The following TENM2 variants were observed in gnomAD, a reference collection of about 807,000 sequenced individuals.
TENM2 encodes teneurin transmembrane protein 2, also known as teneurin-2.
A neutral mutation model predicts 245.2 loss-of-function variants in TENM2; 52 were observed. The observed-to-expected ratio is 0.21, with a 90% CI of 0.17 to 0.27. The LOEUF (loss-of-function observed/expected upper bound fraction) is 0.27, where lower values mean the gene tolerates loss of function less well. Among genes scored for constraint, TENM2 ranks in the 10% least tolerant of loss-of-function variants. TENM2 has a pLI of 1.00. For missense variants in TENM2, 3,046 were observed against 3,666.8 expected, an observed-to-expected ratio of 0.83 and a Z score of 4.37; for synonymous variants, 1,363 against 1,438.9, an observed-to-expected ratio of 0.95 and a Z score of 1.19.
the TENM2 span, among the ~76,000 whole-genome samples, chr5:167,162,625 T>TAA: frequency 8.3e-6 from 1 of 120,036 alleles, no homozygotes; most frequent in Non-Finnish European, 1.8e-5. Flanking sequence ...AGACTGTATC[T>TAA]AAAAAAAAAA....
At chr5:167,289,066 A>G (rs532913987) in intron 1 of TENM2, among the ~76,000 whole-genome samples, 5 of 152,228 alleles carry the variant, frequency 3.3e-5, no homozygotes, top group African/African-American at 7.2e-5. Context: ...ATTCACCTCC[A>G]TCTCACAATC....
chr5:167,414,395 A>G (rs1763061657), intron 2 of TENM2, among the ~76,000 whole-genome samples: 1 of 152,126 alleles, frequency 6.6e-6, no homozygotes, highest in African/African-American at 2.4e-5. Context: ...TAAAAAATTG[A>G]TTGGAATGAG....
intron 2 of TENM2, among the ~76,000 whole-genome samples, chr5:167,817,212 G>A (rs1011940114): frequency 6.6e-6 from 1 of 152,180 alleles, no homozygotes; most frequent in African/African-American, 2.4e-5. Flanking sequence ...GATATAGTGT[G>A]CTGATATTTC....
chr5:167,125,128 T>C, the TENM2 span, among the ~76,000 whole-genome samples: 1 of 152,168 alleles, frequency 6.6e-6, no homozygotes, highest in African/African-American at 2.4e-5. Context: ...ACAAGCCCCT[T>C]GAATGATTCT....
the TENM2 span, among the ~76,000 whole-genome samples, chr5:167,130,512 A>G: frequency 6.6e-6 from 1 of 152,212 alleles, no homozygotes; most frequent in Non-Finnish European, 1.5e-5. Flanking sequence ...AACGTCCCAC[A>G]TGAAACTGAA....
At chr5:167,648,541 G>A (rs1045139197) in intron 2 of TENM2, among the ~76,000 whole-genome samples, 3 of 152,118 alleles carry the variant, frequency 2.0e-5, no homozygotes, top group Admixed American at 6.5e-5. Flanking sequence ...TCACGTACCC[G>A]TACCTTCCTC....
At chr5:168,245,008 T>C (rs1766422494) in intron 26 of TENM2, among the ~76,000 whole-genome samples, 1 of 151,966 alleles carries the variant, frequency 6.6e-6, no homozygotes, top group Non-Finnish European at 1.5e-5. Context: ...CCTCAGGTGA[T>C]CGCCCACCTC....
At chr5:168,033,836 G>A (rs1261549625) in intron 5 of TENM2, among the ~76,000 whole-genome samples, 1 of 151,850 alleles carries the variant, frequency 6.6e-6, no homozygotes, top group Admixed American at 6.6e-5. Flanking sequence ...AGACCAGCCT[G>A]ACCAACATGG....
intron 2 of TENM2, among the ~76,000 whole-genome samples, chr5:167,600,186 T>C (rs2127726472): frequency 6.6e-6 from 1 of 152,104 alleles, no homozygotes; most frequent in South Asian, 2.1e-4. Context: ...GATAACTTTT[T>C]CCTTATATGT....
Position 167,842,580 on chromosome 5 carries a change from CAAAAAAAAAAAAAA to C in TENM2, c.503-33390_503-33377del, listed in dbSNP as rs1160974467. Reference sequence around the variant, plus strand: ...CTGGGAAATGGACCAGACTCCATGTCAAAAAAAAAAAAAAAAAAAAAAAAAAAAAGAACCCTTTT... The same window carrying C: ...CTGGGAAATGGACCAGACTCCATGTCAAAAAAAAAAAAAAAGAACCCTTTT... On this transcript the variant is annotated intron_variant, in intron 2 of 28. Transcript: ENST00000518659. Among the ~76,000 whole-genome samples, 55 of 45,332 alleles carry C rather than the reference CAAAAAAAAAAAAAA, an allele frequency of 1.2e-3. 1 individual carries two copies. Among genetic ancestry groups the C allele is most frequent in the Admixed American group, 2.9e-3 (8 of 2,730 alleles). The allele number at this position is 45,332 out of a possible 152,430, so 29.7% of individuals were successfully genotyped here.
At chr5:167,541,606 A>T (rs12513610) in intron 2 of TENM2, among the ~76,000 whole-genome samples, 9,239 of 152,180 alleles carry the variant, frequency 0.061, 741 homozygotes, top group Admixed American at 0.21. Context: ...GAATCAATAT[A>T]TCTGCACTGA....
intron 9 of TENM2, among the ~76,000 whole-genome samples, chr5:168,112,609 G>T (rs893191624): frequency 7.5e-6 from 1 of 133,746 alleles, no homozygotes; most frequent in Admixed American, 7.3e-5. Flanking sequence ...CAGTGGGCGG[G>T]GGGGGGGTCA....
At chr5:167,422,254 C>A (rs1478981934) in intron 2 of TENM2, among the ~76,000 whole-genome samples, 1 of 152,158 alleles carries the variant, frequency 6.6e-6, no homozygotes, top group Non-Finnish European at 1.5e-5. Context: ...ATATCTTAAC[C>A]AAAATATAAT....
chr5:167,387,574 G>A (rs1359025306), intron 2 of TENM2, among the ~76,000 whole-genome samples: 4 of 152,034 alleles, frequency 2.6e-5, no homozygotes, highest in African/African-American at 9.7e-5. Flanking sequence ...AGTGGTGAGA[G>A]TGGCAATACT....
intron 4 of TENM2, among the ~76,000 whole-genome samples, chr5:167,971,163 G>A (rs1221349714): frequency 6.6e-6 from 1 of 151,958 alleles, no homozygotes; most frequent in Non-Finnish European, 1.5e-5. Context: ...GGCAGAAAGG[G>A]AGAGACAGAG....
chr5:167,474,288 TAC>T (rs1767226706), intron 2 of TENM2, among the ~76,000 whole-genome samples: 1 of 152,182 alleles, frequency 6.6e-6, no homozygotes, highest in African/African-American at 2.4e-5. Flanking sequence ...TGTTTAATTT[TAC>T]ATTCATATTC....
rs79639584 is a variant in TENM2, at chr5:167,882,354, A to G, written c.712+6159A>G. ...CCCTTCAGGTGAAGCATGTGCTCTG[A>G]CAAGTCTTGGAACCATTAATGTAGT... On this transcript the variant is annotated intron_variant, in intron 3 of 28. Coordinates refer to ENST00000518659, the Ensembl canonical transcript of TENM2. 5.6e-3 allele frequency among the ~76,000 whole-genome samples: 848 copies of G among 152,288 alleles called. 4 individuals carry two copies. The highest frequency in any genetic ancestry group is 0.02 in the African/African-American group (821 of 41,556).
chr5:167,770,573 G>A (rs1763337601), intron 2 of TENM2, among the ~76,000 whole-genome samples: 2 of 152,178 alleles, frequency 1.3e-5, no homozygotes, highest in South Asian at 2.1e-4. Flanking sequence ...GCAGATGTGG[G>A]ATTTGAACCA....
chr5:167,753,219 C>T (rs1429076523), intron 2 of TENM2, among the ~76,000 whole-genome samples: 1 of 152,102 alleles, frequency 6.6e-6, no homozygotes, highest in African/African-American at 2.4e-5. Flanking sequence ...AGGAAGACTG[C>T]TATATACGGA....
Sources: gnomAD v4.1 joint callset for allele counts (sites outside exome capture counted in the v4.1 genomes callset) on GRCh38, gnomAD v4.1.1 for gene constraint, MANE v1.5 for transcripts, NCBI Gene and HGNC (gene_info 2026-07-23, HGNC 2026-07-21) for gene names.